SHISA5: variants seen among roughly 807,000 people sequenced by gnomAD.
SHISA5 encodes protein shisa-5.
SHISA5 carries 21 observed loss-of-function variants against 27.5 expected under a neutral mutation model. The ratio of observed to expected loss-of-function variants is 0.76; its 90% CI spans 0.54 to 1.10. The LOEUF (loss-of-function observed/expected upper bound fraction) is 1.10, where lower values mean the gene tolerates loss of function less well. Ranked by LOEUF, SHISA5 falls within the 50% of genes least tolerant of loss-of-function variation. The probability of loss-of-function intolerance (pLI) is 0.00; values close to 1 mark genes in which losing one functional copy is unlikely to be tolerated. For missense variants in SHISA5, 314 were observed against 336.3 expected, an observed-to-expected ratio of 0.93 and a Z score of 0.52; for synonymous variants, 137 against 142.2, an observed-to-expected ratio of 0.96 and a Z score of 0.26.
At chr3:48,497,414 C>G (rs1055156637) in intron 2 of SHISA5, among the ~76,000 whole-genome samples, 1 of 151,012 alleles carries the variant, frequency 6.6e-6, no homozygotes, top group African/African-American at 2.4e-5. Context: ...AGGCACCCAC[C>G]ACCATGCCCA....
intron 2 of SHISA5, among the ~76,000 whole-genome samples, chr3:48,500,572 G>A (rs976054803): frequency 1.9e-4 from 29 of 152,098 alleles, no homozygotes; most frequent in Admixed American, 4.6e-4. Context: ...CAAACACAAA[G>A]GAAATACAGA....
rs1365493009 is a variant in SHISA5 at position 48,468,469 on chromosome 3, C to A, written c.*638G>T. 2.5e-6 allele frequency: 3 copies of A among 1,178,422 alleles called. No homozygotes were observed. In the East Asian group the frequency reaches 1.8e-4, roughly 71 times the overall value. The allele number at this position is 1,178,422 out of a possible 1,614,324, so 73.0% of individuals were successfully genotyped here. ...ACAGGTACAGCTGAGTAGGGCTCTG[C>A]CTGAGGTGTTCTGGCATCAGGAGGC... On this transcript the variant is annotated 3_prime_UTR_variant, in exon 6 of 6. Coordinates refer to ENST00000296444, the MANE Select transcript of SHISA5 (RefSeq NM_016479.6).
At chr3:48,499,022 T>C (rs12492271) in intron 2 of SHISA5, among the ~76,000 whole-genome samples, 31,879 of 143,292 alleles carry the variant, frequency 0.22, 7,552 homozygotes, top group African/African-American at 0.6. Flanking sequence ...GTGGAGGTTG[T>C]GGTGAGCCAA....
intron 2 of SHISA5, among the ~76,000 whole-genome samples, chr3:48,488,347 C>A (rs1436922272): frequency 6.6e-6 from 1 of 150,516 alleles, no homozygotes; most frequent in Admixed American, 6.6e-5. Context: ...CCTCCCTTAG[C>A]CTCCCGAGTA....
At chr3:48,476,663 T>A (rs2040836311) in intron 3 of SHISA5, among the ~76,000 whole-genome samples, 1 of 151,344 alleles carries the variant, frequency 6.6e-6, no homozygotes, top group Non-Finnish European at 1.5e-5. Flanking sequence ...AAGAGAGGAG[T>A]CATTGATGAC....
chr3:48,495,412 A>C lies in SHISA5; in HGVS notation c.233+5725T>G, dbSNP rs2041513833. ...GTGGCTCAAAAAAAAAAAAAAATTG[A>C]TTGCTTGTTCAGTGGGTGGGGAGAA... On this transcript the variant is annotated intron_variant, in intron 2 of 5. Transcript: ENST00000296444. Among the ~76,000 whole-genome samples the C allele has an allele frequency of 1.4e-5, 2 of 141,254 alleles. 1 individual carries two copies. Among genetic ancestry groups the C allele is most frequent in the African/African-American group, 5.8e-5 (2 of 34,494 alleles). The allele number at this position is 141,254 out of a possible 152,430, so 92.7% of individuals were successfully genotyped here.
intron 2 of SHISA5, among the ~76,000 whole-genome samples, chr3:48,491,288 T>A (rs1184148020): frequency 6.6e-6 from 1 of 151,898 alleles, no homozygotes; most frequent in Non-Finnish European, 1.5e-5. Flanking sequence ...CCAGCTAATT[T>A]TTTGTATTTT....
chr3:48,496,658 C>T (rs919401382), intron 2 of SHISA5, among the ~76,000 whole-genome samples: 7 of 151,386 alleles, frequency 4.6e-5, no homozygotes, highest in African/African-American at 9.7e-5. Flanking sequence ...CGCTTGAACC[C>T]GGGAGGCAGA....
chr3:48,481,396 G>A (rs2041007319), intron 2 of SHISA5, among the ~76,000 whole-genome samples: 2 of 146,380 alleles, frequency 1.4e-5, no homozygotes, highest in African/African-American at 5.3e-5. Flanking sequence ...CCAAGATCGT[G>A]CCACTGCACT....
At chr3:48,484,159 T>C (rs2041122728) in intron 2 of SHISA5, among the ~76,000 whole-genome samples, 1 of 152,250 alleles carries the variant, frequency 6.6e-6, no homozygotes, top group Non-Finnish European at 1.5e-5. Flanking sequence ...TGCATTGAGT[T>C]ATATTGTTCT....
In SHISA5 at chr3:48,468,590, T is replaced by A; in HGVS notation, c.*517A>T. The stretch of plus-strand genomic sequence containing the variant: ...ACTTGGCCAGATCCCAAGCTTCGCC[T>A]GCATCATGTCCCTGGCTCTGCAACG... On this transcript the variant is annotated 3_prime_UTR_variant, in exon 6 of 6. Coordinates refer to ENST00000296444, the MANE Select transcript of SHISA5 (RefSeq NM_016479.6). 1 of 1,190,848 alleles carries A rather than the reference T, an allele frequency of 8.4e-7. No homozygotes were observed. The highest frequency in any genetic ancestry group is 1.1e-6 in the Non-Finnish European group (1 of 943,138). The allele number at this position is 1,190,848 out of a possible 1,614,324, so 73.8% of individuals were successfully genotyped here.
intron 2 of SHISA5, among the ~76,000 whole-genome samples, chr3:48,483,602 G>A (rs1322994127): frequency 2.0e-5 from 3 of 152,010 alleles, no homozygotes; most frequent in Admixed American, 6.6e-5. Flanking sequence ...TGAGCTGTTC[G>A]GTACACCTCC....
chr3:48,500,998 T>TA, intron 2 of SHISA5, 139 bp downstream of exon 2: 1 of 1,005,460 alleles, frequency 9.9e-7, no homozygotes, highest in Non-Finnish European at 1.4e-6. Flanking sequence ...AGGGGATCCC[T>TA]AAACCCTCTG....
In SHISA5 at chr3:48,471,578, A is replaced by AAAAAAACT. The variant is rs199983750; in HGVS notation, c.315-1736_315-1735insAGTTTTTT. Reference sequence around the variant, plus strand: ...TCAAAAAAAAAAAAAAAAAAAAAAAAGTCAGCCTTACATTTTGTACTGGAT... The same window carrying AAAAAAACT: ...TCAAAAAAAAAAAAAAAAAAAAAAAAAAAAAACTGTCAGCCTTACATTTTGTACTGGAT... On this transcript the variant is annotated intron_variant, in intron 3 of 5. Transcript: ENST00000296444. 1.1e-4 allele frequency among the ~76,000 whole-genome samples: 12 copies of AAAAAAACT among 113,620 alleles called. 2 individuals are homozygous for AAAAAAACT. Among genetic ancestry groups the AAAAAAACT allele is most frequent in the Admixed American group, 1.1e-4 (1 of 9,484 alleles). 74.5% of individuals were successfully genotyped at this position (113,620 alleles called of 152,430 possible). A position where few individuals can be genotyped will look rare whatever the true frequency, so the allele number is the denominator to read the frequency against.
intron 3 of SHISA5, chr3:48,476,962 G>A (rs1490565638): frequency 7.3e-6 from 3 of 408,820 alleles, no homozygotes; most frequent in Non-Finnish European, 1.4e-5. Flanking sequence ...ACACCTTGGG[G>A]AGTCAGAGGT....
chr3:48,481,959 C>A (rs547075842), intron 2 of SHISA5, among the ~76,000 whole-genome samples: 4 of 151,042 alleles, frequency 2.6e-5, no homozygotes, highest in Non-Finnish European at 4.4e-5. Context: ...GTCACAGCTA[C>A]TCGGGAGGCT....
intron 2 of SHISA5, among the ~76,000 whole-genome samples, chr3:48,484,668 G>C (rs1176448126): frequency 6.6e-6 from 1 of 152,084 alleles, no homozygotes; most frequent in African/African-American, 2.4e-5. Flanking sequence ...AAGGCAGGCA[G>C]ATCACCTGAG....
chr3:48,493,900 T>C (rs1236984686), intron 2 of SHISA5, among the ~76,000 whole-genome samples: 3 of 147,750 alleles, frequency 2.0e-5, no homozygotes, highest in Non-Finnish European at 4.4e-5. Flanking sequence ...TTGAAATATG[T>C]ATATATTGAA....
intron 3 of SHISA5, among the ~76,000 whole-genome samples, chr3:48,471,015 T>A (rs1268519505): frequency 6.6e-6 from 1 of 151,998 alleles, no homozygotes; most frequent in East Asian, 1.9e-4. Context: ...GAGGCCAAGC[T>A]TCATTCTTTT....
Sources: gnomAD v4.1 joint callset for allele counts (sites outside exome capture counted in the v4.1 genomes callset) on GRCh38, gnomAD v4.1.1 for gene constraint, MANE v1.5 for transcripts, NCBI Gene and HGNC (gene_info 2026-07-23, HGNC 2026-07-21) for gene names.